IMMP2L: variants seen among roughly 807,000 people sequenced by gnomAD.
The protein encoded by IMMP2L is mitochondrial inner membrane protease subunit 2.
Under a neutral mutation model 19.3 loss-of-function variants are expected in IMMP2L, and 18 were observed. The ratio of observed to expected loss-of-function variants is 0.93; its 90% CI spans 0.64 to 1.38. The LOEUF (loss-of-function observed/expected upper bound fraction) is 1.38, where lower values mean the gene tolerates loss of function less well. Ranked by LOEUF, IMMP2L falls within the 40% of genes most tolerant of loss-of-function variation. The probability of loss-of-function intolerance (pLI) is 0.00; values close to 1 mark genes in which losing one functional copy is unlikely to be tolerated. For synonymous variants in IMMP2L, 76 were observed against 73.0 expected (o/e 1.04, Z -0.21); for missense variants, 233 against 218.2 (o/e 1.07, Z -0.43).
rs891538092 is a variant in IMMP2L, at chr7:111,544,853, G to A, written c.-3+16998C>T. Reference sequence around the variant, plus strand: ...CCTAAGAATGAAGCAGAATCAGCATGGCAAGAAACAAAACAGGCAGAAAAT... The same window carrying A: ...CCTAAGAATGAAGCAGAATCAGCATAGCAAGAAACAAAACAGGCAGAAAAT... On this transcript the variant is annotated intron_variant, in intron 1 of 5. Coordinates refer to ENST00000405709, the MANE Select transcript of IMMP2L (RefSeq NM_032549.4). 5.9e-5 allele frequency among the ~76,000 whole-genome samples: 9 copies of A among 151,540 alleles called. No homozygotes were observed. The Middle Eastern group carries it at 0.017, about 286-fold the overall frequency.
rs979244635 is a variant in IMMP2L at position 111,168,360 on chromosome 7, G to A, written c.240-204795C>T. On this transcript the variant is annotated intron_variant, in intron 3 of 5. Transcript: ENST00000405709. ...ATTTAGCTGGAAAACCAAATTCCCC[G>A]TGGTCCCATTATGTACGTTGCTAAG... Among the ~76,000 whole-genome samples, 25 of 151,264 alleles carry A rather than the reference G, an allele frequency of 1.7e-4. No individual in the cohort carries two copies. The South Asian group carries it at 1.9e-3, about 11-fold the overall frequency.
chr7:111,446,049 G>A (rs886686501), intron 3 of IMMP2L, among the ~76,000 whole-genome samples: 8 of 152,052 alleles, frequency 5.3e-5, no homozygotes, highest in African/African-American at 1.9e-4. Flanking sequence ...CTGGCTCGGA[G>A]GGTCCTACGC....
At chr7:111,251,153 AACATC>A (rs1816066520) in intron 3 of IMMP2L, among the ~76,000 whole-genome samples, 1 of 152,210 alleles carries the variant, frequency 6.6e-6, no homozygotes, top group Non-Finnish European at 1.5e-5. Context: ...AAAAAAGCTC[AACATC>A]ACTCATCATT....
chr7:110,684,155 C>G (rs1792938204), intron 5 of IMMP2L, among the ~76,000 whole-genome samples: 1 of 152,014 alleles, frequency 6.6e-6, no homozygotes, highest in Non-Finnish European at 1.5e-5. Context: ...TAAAATAAAA[C>G]TGGTAGAGCT....
At chr7:111,271,863 T>C (rs1461250034) in intron 3 of IMMP2L, among the ~76,000 whole-genome samples, 1 of 152,126 alleles carries the variant, frequency 6.6e-6, no homozygotes, top group Admixed American at 6.5e-5. Context: ...AGCTTAGAAG[T>C]CATTCTTAAC....
chr7:111,054,396 G>C (rs1793298990), intron 3 of IMMP2L, among the ~76,000 whole-genome samples: 1 of 152,124 alleles, frequency 6.6e-6, no homozygotes, highest in Non-Finnish European at 1.5e-5. Flanking sequence ...ACATATGCTT[G>C]GCATCAGGGC....
chr7:111,253,016 T>C (rs1816318635), intron 3 of IMMP2L, among the ~76,000 whole-genome samples: 1 of 152,134 alleles, frequency 6.6e-6, no homozygotes, highest in Non-Finnish European at 1.5e-5. Context: ...TTTACCAATA[T>C]TGCCTACGCT....
At position 111,294,232 on chromosome 7, in the gene IMMP2L, T is replaced by C. The variant is rs367817039; in HGVS notation, c.239+193006A>G. Among the ~76,000 whole-genome samples, 23 of 151,982 alleles carry C rather than the reference T, an allele frequency of 1.5e-4. 2 individuals carry two copies. The East Asian group carries it at 2.1e-3, about 14-fold the overall frequency. On this transcript the variant is annotated intron_variant, in intron 3 of 5. Transcript: ENST00000405709. ...AACAAGAGCCCAGGGCTAACAAAAG[T>C]ATATTGATTTGAGAGATGTATTATA...
intron 3 of IMMP2L, among the ~76,000 whole-genome samples, chr7:111,174,124 C>T (rs1806768989): frequency 6.6e-6 from 1 of 151,564 alleles, no homozygotes; most frequent in African/African-American, 2.4e-5. Flanking sequence ...TTTTTTAAAA[C>T]CGTGGGACCC....
intron 1 of IMMP2L, among the ~76,000 whole-genome samples, chr7:111,544,234 C>T (rs1019273777): frequency 6.6e-6 from 1 of 151,506 alleles, no homozygotes; most frequent in African/African-American, 2.4e-5. Context: ...ACATCACACA[C>T]CGGGGCCTGT....
At chr7:111,079,708 A>G (rs560924889) in intron 3 of IMMP2L, among the ~76,000 whole-genome samples, 9 of 152,306 alleles carry the variant, frequency 5.9e-5, no homozygotes, top group African/African-American at 1.9e-4. Flanking sequence ...TAAAGTCTCC[A>G]TTTGTCTTCA....
intron 5 of IMMP2L, among the ~76,000 whole-genome samples, chr7:110,882,979 C>T (rs1809844524): frequency 6.6e-6 from 1 of 152,056 alleles, no homozygotes; most frequent in African/African-American, 2.4e-5. Flanking sequence ...ATCACAGGTG[C>T]TCAAAAATGT....
At chr7:111,413,152 A>G (rs1834593871) in intron 3 of IMMP2L, among the ~76,000 whole-genome samples, 1 of 152,126 alleles carries the variant, frequency 6.6e-6, no homozygotes, top group Non-Finnish European at 1.5e-5. Context: ...CAATTGATTA[A>G]AAGACACAAA....
intron 3 of IMMP2L, among the ~76,000 whole-genome samples, chr7:110,997,240 T>C (rs951541219): frequency 2.6e-5 from 4 of 152,178 alleles, no homozygotes; most frequent in African/African-American, 7.2e-5. Context: ...TTCCTTTTTA[T>C]TGCTGAATTG....
intron 4 of IMMP2L, among the ~76,000 whole-genome samples, chr7:110,921,828 T>C (rs1421356871): frequency 1.3e-5 from 2 of 152,210 alleles, no homozygotes; most frequent in African/African-American, 4.8e-5. Context: ...AGGAGGACAC[T>C]TTATCTCTCC....
chr7:110,681,674 A>T (rs975036135), intron 5 of IMMP2L, among the ~76,000 whole-genome samples: 1 of 152,172 alleles, frequency 6.6e-6, no homozygotes, highest in Non-Finnish European at 1.5e-5. Context: ...AAGGTGTTCT[A>T]TTTCATAAAT....
At chr7:111,019,133 C>T (rs1162866033) in intron 3 of IMMP2L, among the ~76,000 whole-genome samples, 3 of 151,986 alleles carry the variant, frequency 2.0e-5, no homozygotes, top group Non-Finnish European at 4.4e-5. Flanking sequence ...ATAGTGTAAA[C>T]AGTCAATAAA....
At chr7:111,372,826 A>G (rs1271324612) in intron 3 of IMMP2L, among the ~76,000 whole-genome samples, 1 of 152,070 alleles carries the variant, frequency 6.6e-6, no homozygotes, top group Non-Finnish European at 1.5e-5. Flanking sequence ...TAATATGAGC[A>G]GTCATAATTC....
At chr7:110,735,652 AATAT>A (rs138161100) in intron 5 of IMMP2L, among the ~76,000 whole-genome samples, 4 of 126,206 alleles carry the variant, frequency 3.2e-5, no homozygotes, top group Non-Finnish European at 6.5e-5. Flanking sequence ...ATATTAGACA[AATAT>A]ATATATATAT....
Sources: allele counts gnomAD v4.1 joint callset (sites outside exome capture counted in the v4.1 genomes callset), GRCh38; gene constraint gnomAD v4.1.1; transcripts MANE v1.5; gene names NCBI Gene and HGNC (gene_info 2026-07-23, HGNC 2026-07-21).